The following AFAP1L1 variants were observed in gnomAD, a reference collection of about 807,000 sequenced individuals.
AFAP1L1 encodes actin filament associated protein 1 like 1.
Under a neutral mutation model 99.8 loss-of-function variants are expected in AFAP1L1, and 77 were observed. The ratio of observed to expected loss-of-function variants is 0.77; its 90% confidence interval spans 0.64 to 0.93. The LOEUF (loss-of-function observed/expected upper bound fraction) is 0.93, where lower values mean the gene tolerates loss of function less well. Among genes scored for constraint, AFAP1L1 ranks in the 40% least tolerant of loss-of-function variants. The probability of loss-of-function intolerance (pLI) is 0.00; values close to 1 mark genes in which losing one functional copy is unlikely to be tolerated. For missense variants in AFAP1L1, 893 were observed against 996.8 expected, an observed-to-expected ratio of 0.90 and a Z score of 1.40; for synonymous variants, 373 against 395.3, an observed-to-expected ratio of 0.94 and a Z score of 0.67.
Position 149,335,116 on chromosome 5 carries a change from T to C in AFAP1L1, c.2155-478T>C, listed in dbSNP as rs147978932. 2.9e-3 allele frequency among the ~76,000 whole-genome samples: 437 copies of C among 152,380 alleles called. 4 individuals are homozygous for C. Among genetic ancestry groups the C allele is most frequent in the African/African-American group, 9.8e-3 (409 of 41,598 alleles). The stretch of plus-strand genomic sequence containing the variant: ...GGTTCAGTAATTTTAGTTGTCATTA[T>C]CGTTATCTGAAGGTCCTCAAGTATC... On this transcript the variant is annotated intron_variant, in intron 17 of 18. Coordinates refer to ENST00000296721, the MANE Select transcript of AFAP1L1 (RefSeq NM_152406.4).
rs1238364940 is a variant in AFAP1L1, at chr5:149,317,929, G to A, written c.1468G>A (p.Ala490Thr). Residue 490 changes from alanine to threonine, a missense_variant, in exon 12 of 19, where the codon GCC (alanine) becomes ACC (threonine). Coordinates refer to ENST00000296721, the MANE Select transcript of AFAP1L1 (RefSeq NM_152406.4). ...FRILRNRQEV[A>T]ILEASCSEDM... is the part of the protein sequence containing the mutation. ...GATCCTGCGCAACCGGCAGGAGGTGGCCATCTTGGAGGTGAGAGGAGAGGG... is the reference window on the plus strand; with the variant it reads ...GATCCTGCGCAACCGGCAGGAGGTGACCATCTTGGAGGTGAGAGGAGAGGG... The A allele has an allele frequency of 1.3e-6, 2 of 1,571,846 alleles. No homozygotes were observed. Among genetic ancestry groups the A allele is most frequent in the South Asian group, 1.2e-5 (1 of 85,726 alleles).
chr5:149,326,407 C>T (rs1190245589), intron 15 of AFAP1L1, among the ~76,000 whole-genome samples: 4 of 151,812 alleles, frequency 2.6e-5, no homozygotes, highest in East Asian at 1.9e-4. Flanking sequence ...GGCATGGTGG[C>T]GGGCACCTGT....
intron 1 of AFAP1L1, among the ~76,000 whole-genome samples, chr5:149,288,347 T>A (rs189301530): frequency 1.3e-5 from 2 of 152,372 alleles, no homozygotes; most frequent in East Asian, 3.9e-4. Context: ...TTGGCTCATG[T>A]GTAAACGCAG....
At chr5:149,339,178 C>CTTTT (rs35468603) in intron 18 of AFAP1L1, among the ~76,000 whole-genome samples, 19 of 126,128 alleles carry the variant, frequency 1.5e-4, no homozygotes, top group Non-Finnish European at 2.3e-4. Context: ...CCCAATAAAG[C>CTTTT]TTTTTTTTTT....
intron 1 of AFAP1L1, among the ~76,000 whole-genome samples, chr5:149,280,857 G>A (rs964102441): frequency 6.6e-6 from 1 of 152,094 alleles, no homozygotes; most frequent in Non-Finnish European, 1.5e-5. Flanking sequence ...CCCAGGTGAT[G>A]TGAACTCCAG....
Position 149,340,108 on chromosome 5 carries a change from C to A in AFAP1L1, c.*78C>A. ...AAGAAATGCTTTTTTCACAAGGAGA[C>A]ACCAAGAGAAGACTAGGAAGTAGCC... On this transcript the variant is annotated 3_prime_UTR_variant, in exon 19 of 19. Transcript: ENST00000296721. 1 of 1,562,452 alleles carries A rather than the reference C, an allele frequency of 6.4e-7. No individual in the cohort carries two copies. Among genetic ancestry groups the A allele is most frequent in the Non-Finnish European group, 8.8e-7 (1 of 1,137,112 alleles).
intron 15 of AFAP1L1, among the ~76,000 whole-genome samples, chr5:149,329,350 TAATGTCACACAACC>T (rs1757184775): frequency 6.6e-6 from 1 of 152,148 alleles, no homozygotes; most frequent in East Asian, 1.9e-4. Flanking sequence ...CACTTATGCC[TAATGTCACACAACC>T]AATGTCACAC....
At chr5:149,284,851 C>T (rs895407520) in intron 1 of AFAP1L1, among the ~76,000 whole-genome samples, 1 of 152,144 alleles carries the variant, frequency 6.6e-6, no homozygotes, top group East Asian at 1.9e-4. Context: ...GGAGGTAGGG[C>T]AAATATCTCA....
intron 16 of AFAP1L1, 91 bp from the exon 17 acceptor site, chr5:149,332,604 A>T: frequency 7.2e-7 from 1 of 1,392,062 alleles, no homozygotes; most frequent in Non-Finnish European, 9.7e-7. Flanking sequence ...AGGGCCCTCT[A>T]GGAGGGGCAG....
intron 6 of AFAP1L1, 23 bp from the exon 7 acceptor site, chr5:149,307,379 A>G: frequency 6.2e-7 from 1 of 1,613,402 alleles, no homozygotes; most frequent in Non-Finnish European, 8.5e-7. Flanking sequence ...ACAGTGATGG[A>G]TCCTTTCCCG....
At position 149,342,041 on chromosome 5, in the gene AFAP1L1, A is replaced by G. The variant is rs1055301984; in HGVS notation, c.*2011A>G. 9.2e-5 allele frequency among the ~76,000 whole-genome samples: 14 copies of G among 152,266 alleles called. No homozygotes were observed. The highest frequency in any genetic ancestry group is 3.4e-4 in the African/African-American group (14 of 41,540). On this transcript the variant is annotated 3_prime_UTR_variant, in exon 19 of 19. Transcript: ENST00000296721. ...TTAACATTTATCAAGCACTCACCAT[A>G]TGTCAGGCACTGTGTCAGCCATGGC...
In AFAP1L1 at chr5:149,272,198, A is replaced by G. The variant is rs528732568; in HGVS notation, c.16+214A>G. ...TGTCAACGCCCGTGTCCTGGGGCCA[A>G]CTCGCCTCTCGTGTGTGAAATCAGA... On this transcript the variant is annotated intron_variant, in intron 1 of 18. Coordinates refer to ENST00000296721, the MANE Select transcript of AFAP1L1 (RefSeq NM_152406.4). Among the ~76,000 whole-genome samples the G allele has an allele frequency of 1.6e-4, 24 of 152,236 alleles. 1 individual carries two copies. The South Asian group carries it at 3.9e-3, about 25-fold the overall frequency.
chr5:149,333,519 C>G (rs1197691709), intron 17 of AFAP1L1, among the ~76,000 whole-genome samples: 2 of 152,220 alleles, frequency 1.3e-5, no homozygotes, highest in South Asian at 2.1e-4. Flanking sequence ...CTCTAATTCT[C>G]CCAGCAACTC....
rs962707655 is a variant in AFAP1L1 at position 149,329,697 on chromosome 5, A to G, written c.1842A>G (p.Arg614=). 2 of 1,614,122 alleles carry G rather than the reference A, an allele frequency of 1.2e-6. No individual in the cohort carries two copies. The highest frequency in any genetic ancestry group is 1.7e-6 in the Non-Finnish European group (2 of 1,180,014). Residue 614 remains arginine, a synonymous_variant, in exon 16 of 19, where the codon CGA becomes CGG. Coordinates refer to ENST00000296721, the MANE Select transcript of AFAP1L1 (RefSeq NM_152406.4). ...SANQYKYGKN[R]AEEDARRYLV... ...ATCAATACAAGTATGGCAAGAACCG[A>G]GCCGAGGAGGATGCCCGGAGGTACT... is the stretch of plus-strand genomic sequence containing the variant.
At chr5:149,313,874 G>A (rs570792997) in intron 9 of AFAP1L1, among the ~76,000 whole-genome samples, 2 of 152,328 alleles carry the variant, frequency 1.3e-5, no homozygotes, top group East Asian at 3.9e-4. Context: ...GAAGGAAAAG[G>A]CATTGTAAGC....
At position 149,315,917 on chromosome 5, in the gene AFAP1L1, A is replaced by C; in HGVS notation, c.1114+3A>C. The C allele has an allele frequency of 3.1e-6, 5 of 1,614,122 alleles. No homozygotes were observed. Among genetic ancestry groups the C allele is most frequent in the Non-Finnish European group, 4.2e-6 (5 of 1,179,996 alleles). On this transcript the variant is annotated splice_donor_region_variant and intron_variant, in intron 10 of 18. Transcript: ENST00000296721. ...CCGCCGGGAGACCTGTGATCACGGT[A>C]GGAGCCTCTGGGGGCTCAGGCTGGG...
At position 149,332,694 on chromosome 5, in the gene AFAP1L1, G is replaced by A. The variant is rs1757288989; in HGVS notation, c.1976-1G>A. On this transcript the variant is annotated splice_acceptor_variant, in intron 16 of 18. Coordinates refer to ENST00000296721, the MANE Select transcript of AFAP1L1 (RefSeq NM_152406.4). LOFTEE classifies it high-confidence loss of function. Reference sequence around the variant, plus strand: ...TTTCTTATCAATGTCTCTTGATTCAGGAGCAAAATTAAAGGCTCTGGAAGA... The same window carrying A: ...TTTCTTATCAATGTCTCTTGATTCAAGAGCAAAATTAAAGGCTCTGGAAGA... 1.9e-6 allele frequency: 3 copies of A among 1,608,620 alleles called. No homozygotes were observed. In the African/African-American group the frequency reaches 4.0e-5, roughly 22 times the overall value.
rs1423884129 is a variant in AFAP1L1, at chr5:149,302,433, C to T, written c.343C>T (p.Pro115Ser). The T allele has an allele frequency of 6.3e-7, 1 of 1,588,924 alleles. No homozygotes were observed. Among genetic ancestry groups the T allele is most frequent in the African/African-American group, 1.3e-5 (1 of 74,646 alleles). ...PRLRNAADLP[P>S]PLPNKPPPED... ...CCCCTTGCAGGCGGCCGACCTGCCTCCACCGCTCCCCAACAAGCCTCCCCC... is the reference window on the plus strand; with the variant it reads ...CCCCTTGCAGGCGGCCGACCTGCCTTCACCGCTCCCCAACAAGCCTCCCCC... The change falls in exon 5 of 19, where the codon CCA becomes TCA. Residue 115 changes from proline to serine, a missense_variant. Transcript: ENST00000296721.
chr5:149,322,676 A>G lies in AFAP1L1; in HGVS notation c.1769A>G (p.His590Arg). The G allele has an allele frequency of 6.3e-7, 1 of 1,594,830 alleles. No homozygotes were observed. Among genetic ancestry groups the G allele is most frequent in the East Asian group, 2.3e-5 (1 of 44,194 alleles). Residue 590 changes from histidine (H) to arginine (R), a missense_variant, in exon 15 of 19, where the codon CAT (histidine) becomes CGT (arginine). Transcript: ENST00000296721. ...GCCTCCTCCTGCAGTGAGAAGTCCC[A>G]TCGTGTGGACCCGCAGGTCAAAGTC... ...RHASSCSEKS[H>R]RVDPQVKVKR...
Sources: gnomAD v4.1 joint callset for allele counts (sites outside exome capture counted in the v4.1 genomes callset) on GRCh38, gnomAD v4.1.1 for gene constraint, MANE v1.5 for transcripts, NCBI Gene and HGNC (gene_info 2026-07-23, HGNC 2026-07-21) for gene names.